DLGAP2: variants seen among roughly 807,000 people sequenced by gnomAD.
DLGAP2 encodes disks large-associated protein 2.
DLGAP2 carries 26 observed loss-of-function variants against 100.3 expected under a neutral mutation model. The ratio of observed to expected loss-of-function variants is 0.26; its 90% CI spans 0.19 to 0.36. The LOEUF is 0.36. Among genes scored for constraint, DLGAP2 ranks in the 10% least tolerant of loss-of-function variants. DLGAP2 has a pLI of 1.00. For missense variants in DLGAP2, 1,858 were observed against 1,453.2 expected (o/e 1.28, Z -4.53); for synonymous variants, 886 against 630.1 (o/e 1.41, Z -6.08).
intron 2 of DLGAP2, among the ~76,000 whole-genome samples, chr8:1,239,476 A>T (rs1585180620): frequency 2.0e-5 from 1 of 51,264 alleles, no homozygotes; most frequent in East Asian, 5.0e-4. Context: ...ACATAGCGTC[A>T]TGTCTAGTTC....
chr8:1,504,586 C>T (rs997354038), intron 4 of DLGAP2, among the ~76,000 whole-genome samples: 5 of 152,196 alleles, frequency 3.3e-5, no homozygotes, highest in Admixed American at 2.6e-4. Context: ...ACTGTTCTAC[C>T]CTCTGCTTCT....
intron 2 of DLGAP2, among the ~76,000 whole-genome samples, chr8:1,194,690 C>T (rs1345097841): frequency 6.6e-6 from 1 of 152,210 alleles, no homozygotes; most frequent in Non-Finnish European, 1.5e-5. Flanking sequence ...ACAGGGTCGT[C>T]CCGGAGCTGC....
At chr8:1,284,693 C>T (rs191428334) in intron 3 of DLGAP2, among the ~76,000 whole-genome samples, 2 of 152,236 alleles carry the variant, frequency 1.3e-5, no homozygotes. Context: ...ACCGTCTCAG[C>T]TCAGTGCAGC....
At chr8:1,121,543 A>C (rs1369854979) in intron 2 of DLGAP2, among the ~76,000 whole-genome samples, 1 of 150,410 alleles carries the variant, frequency 6.6e-6, no homozygotes, top group Non-Finnish European at 1.5e-5. Flanking sequence ...TTCCTTCAGA[A>C]CTCATGACCA....
At chr8:1,503,738 G>C (rs1031223046) in intron 4 of DLGAP2, among the ~76,000 whole-genome samples, 1 of 152,166 alleles carries the variant, frequency 6.6e-6, no homozygotes, top group African/African-American at 2.4e-5. Flanking sequence ...CTACAGTCTT[G>C]CCATGGGGTG....
intron 2 of DLGAP2, among the ~76,000 whole-genome samples, chr8:1,225,255 G>A (rs1398573206): frequency 6.6e-6 from 1 of 152,224 alleles, no homozygotes; most frequent in African/African-American, 2.4e-5. Context: ...ATGAACACGA[G>A]TGAGGGATTG....
In DLGAP2 at chr8:1,253,890, T is replaced by C. The variant is rs186773055; in HGVS notation, c.74-4961T>C. ...TGCTGCTGTGAGTACGCTTGCTGTGTGTTCAGCTTGCTGGGTGATTTTAAA... is the reference window on the plus strand; with the variant it reads ...TGCTGCTGTGAGTACGCTTGCTGTGCGTTCAGCTTGCTGGGTGATTTTAAA... On this transcript the variant is annotated intron_variant, in intron 2 of 14. Transcript: ENST00000637795. Among the ~76,000 whole-genome samples the C allele has an allele frequency of 3.9e-5, 6 of 152,364 alleles. No individual in the cohort carries two copies. The East Asian group carries it at 1.2e-3, about 29-fold the overall frequency.
intron 1 of DLGAP2, among the ~76,000 whole-genome samples, chr8:865,629 T>G (rs1180378591): frequency 6.6e-6 from 1 of 152,186 alleles, no homozygotes. Context: ...GCATTTACTG[T>G]TAGGAAAGAT....
At chr8:1,195,247 C>T (rs1020969266) in intron 2 of DLGAP2, among the ~76,000 whole-genome samples, 5 of 152,206 alleles carry the variant, frequency 3.3e-5, no homozygotes, top group Admixed American at 3.3e-4. Context: ...ACAGGCCTCC[C>T]AGTTCTGCCT....
chr8:1,446,427 C>T (rs950235656), intron 3 of DLGAP2, among the ~76,000 whole-genome samples: 2 of 152,100 alleles, frequency 1.3e-5, no homozygotes, highest in African/African-American at 4.8e-5. Context: ...TTTCTGAGGG[C>T]TCTGTTCTGT....
chr8:1,438,156 G>A (rs947161317), intron 3 of DLGAP2, among the ~76,000 whole-genome samples: 5 of 152,258 alleles, frequency 3.3e-5, no homozygotes, highest in South Asian at 2.1e-4. Context: ...TGCTCCCATC[G>A]TGTGGGTGTG....
At chr8:876,304 G>A (rs937807921) in intron 1 of DLGAP2, among the ~76,000 whole-genome samples, 11 of 152,114 alleles carry the variant, frequency 7.2e-5, no homozygotes, top group African/African-American at 2.7e-4. Context: ...AGAATTACTT[G>A]TAAGGTTGAT....
intron 7 of DLGAP2, among the ~76,000 whole-genome samples, chr8:1,629,039 T>C (rs1375271238): frequency 6.6e-6 from 1 of 152,260 alleles, no homozygotes; most frequent in Admixed American, 6.5e-5. Flanking sequence ...TTCTGGGCAC[T>C]AAAGCCCTCC....
At chr8:746,219 C>A (rs1425748979) in intron 1 of DLGAP2, among the ~76,000 whole-genome samples, 1 of 152,270 alleles carries the variant, frequency 6.6e-6, no homozygotes, top group Non-Finnish European at 1.5e-5. Context: ...CCTTCTCACA[C>A]CCCATGCGAC....
intron 3 of DLGAP2, chr8:1,301,412 C>T (rs1049545940): frequency 1.3e-5 from 2 of 151,866 alleles, no homozygotes; most frequent in East Asian, 3.9e-4. Context: ...AACTGATGGG[C>T]TTTGAGATTT....
chr8:1,414,363 A>C (rs1169512137), intron 3 of DLGAP2, among the ~76,000 whole-genome samples: 1 of 152,140 alleles, frequency 6.6e-6, no homozygotes, highest in South Asian at 2.1e-4. Flanking sequence ...GGCAGTGAGG[A>C]CCTGCCAAGG....
chr8:1,140,829 T>G (rs1289266022), intron 2 of DLGAP2, among the ~76,000 whole-genome samples: 2 of 152,012 alleles, frequency 1.3e-5, no homozygotes. Flanking sequence ...AAAAATTAGC[T>G]AGGCGTGGTG....
rs755669113 is a variant in DLGAP2 at position 1,565,749 on chromosome 8, A to G, written c.1297A>G (p.Met433Val). 6.2e-7 allele frequency: 1 copy of G among 1,613,868 alleles called. No homozygotes were observed. The highest frequency in any genetic ancestry group is 8.5e-7 in the Non-Finnish European group (1 of 1,179,846). Residue 433 changes from methionine to valine, a missense_variant, in exon 6 of 15, where the codon ATG becomes GTG. Coordinates refer to ENST00000637795, the MANE Select transcript of DLGAP2 (RefSeq NM_001346810.2). Reference protein sequence around the residue: ...GKDEEIPCRRMRSGSYIKAMG... With the variant: ...GKDEEIPCRRVRSGSYIKAMG... ...AGATGAGGAGATTCCCTGCAGGAGA[A>G]TGAGAAGTGGGAGTTACATTAAAGC...
chr8:1,525,655 A>C (rs1320485575), intron 4 of DLGAP2, among the ~76,000 whole-genome samples: 1 of 152,228 alleles, frequency 6.6e-6, no homozygotes, highest in African/African-American at 2.4e-5. Context: ...TTGAGATTCT[A>C]ATGCTGGGAG....
Sources: gnomAD v4.1 joint callset for allele counts (sites outside exome capture counted in the v4.1 genomes callset) on GRCh38, gnomAD v4.1.1 for gene constraint, MANE v1.5 for transcripts, NCBI Gene and HGNC (gene_info 2026-07-23, HGNC 2026-07-21) for gene names.